Variants in TMEM45B observed in about 807,000 individuals in gnomAD.
TMEM45B encodes the protein transmembrane protein 45B.
A neutral mutation model predicts 27.3 loss-of-function variants in TMEM45B; 29 were observed. The observed-to-expected ratio is 1.06, with a 90% CI of 0.79 to 1.45. The LOEUF is 1.45. Among genes scored for constraint, TMEM45B ranks in the 40% most tolerant of loss-of-function variants. The pLI, the probability that TMEM45B is intolerant of heterozygous loss-of-function variation, is 0.00. For synonymous variants in TMEM45B, 143 were observed against 134.7 expected, an observed-to-expected ratio of 1.06 and a Z score of -0.43; for missense variants, 348 against 343.9, an observed-to-expected ratio of 1.01 and a Z score of -0.09.
intron 1 of TMEM45B, among the ~76,000 whole-genome samples, chr11:129,837,694 C>G (rs1947639910): frequency 6.7e-6 from 1 of 148,456 alleles, no homozygotes; most frequent in African/African-American, 2.5e-5. Context: ...GGACTACAGG[C>G]ACGCACCACC....
At chr11:129,816,678 C>T (rs1189068659) in intron 1 of TMEM45B, among the ~76,000 whole-genome samples, 2 of 150,356 alleles carry the variant, frequency 1.3e-5, no homozygotes, top group African/African-American at 2.4e-5. Context: ...AATAGAAACC[C>T]TTTCAAAATT....
At chr11:129,838,647 C>G (rs1013772305) in intron 1 of TMEM45B, among the ~76,000 whole-genome samples, 34 of 152,170 alleles carry the variant, frequency 2.2e-4, no homozygotes, top group African/African-American at 8.2e-4. Context: ...GTGGTTGGAA[C>G]TGAGTAGAGG....
chr11:129,828,673 A>C (rs1591436785), intron 1 of TMEM45B, among the ~76,000 whole-genome samples: 1 of 152,232 alleles, frequency 6.6e-6, no homozygotes, highest in Non-Finnish European at 1.5e-5. Flanking sequence ...GCAAACCCAG[A>C]CCAGAAGCCA....
intron 1 of TMEM45B, among the ~76,000 whole-genome samples, chr11:129,820,272 G>A (rs2135549584): frequency 6.6e-6 from 1 of 152,168 alleles, no homozygotes; most frequent in East Asian, 1.9e-4. Flanking sequence ...CCGAGATCAT[G>A]CCACTTGCAC....
Position 129,852,499 on chromosome 11 carries a change from G to A in TMEM45B, c.17G>A (p.Gly6Asp). ...GGTGTCCTGATGGCAAATTTCAAGG[G>A]CCACGCGCTTCCAGGGAGTTTCTTC... MANFK[G>D]HALPGSFFLI... The change falls in exon 2 of 6, where the codon GGC becomes GAC. Residue 6 changes from glycine to aspartate, a missense_variant. Gly to Asp is a moderately conservative substitution (Grantham distance 94, BLOSUM62 -1). Transcript: ENST00000281441. 2 of 1,601,094 alleles carry A rather than the reference G, an allele frequency of 1.2e-6. No homozygotes were observed. The highest frequency in any genetic ancestry group is 1.7e-6 in the Non-Finnish European group (2 of 1,169,302).
chr11:129,834,283 T>G (rs1186915451), intron 1 of TMEM45B, among the ~76,000 whole-genome samples: 1 of 150,724 alleles, frequency 6.6e-6, no homozygotes, highest in Admixed American at 6.6e-5. Flanking sequence ...ATACAAAAAT[T>G]ATCCAGGCGT....
chr11:129,832,994 C>T (rs189085428), intron 1 of TMEM45B, among the ~76,000 whole-genome samples: 1 of 152,230 alleles, frequency 6.6e-6, no homozygotes, highest in Admixed American at 6.5e-5. Context: ...GTAATCCCAG[C>T]ACTTTGGGAG....
At chr11:129,819,951 A>G (rs527311714) in intron 1 of TMEM45B, among the ~76,000 whole-genome samples, 1 of 152,172 alleles carries the variant, frequency 6.6e-6, no homozygotes, top group East Asian at 1.9e-4. Flanking sequence ...TATCACATAC[A>G]CACTGTTAAC....
chr11:129,834,458 A>G lies in TMEM45B; in HGVS notation c.-8-18017A>G, dbSNP rs1430274595. ...AGGAAAAAAAAAAACAGCAACAGAA[A>G]TGTGGACATTGAAGGTGATTCCAGT... is the stretch of plus-strand genomic sequence containing the variant. On this transcript the variant is annotated intron_variant, in intron 1 of 5. Coordinates refer to ENST00000281441, the MANE Select transcript of TMEM45B (RefSeq NM_138788.5). Among the ~76,000 whole-genome samples, 34 of 150,046 alleles carry G rather than the reference A, an allele frequency of 2.3e-4. No homozygotes were observed. In the Admixed American group the frequency reaches 2.3e-3, roughly 10 times the overall value.
intron 1 of TMEM45B, among the ~76,000 whole-genome samples, chr11:129,851,780 T>A (rs981220230): frequency 6.6e-6 from 1 of 152,070 alleles, no homozygotes; most frequent in African/African-American, 2.4e-5. Context: ...TGCCTGAAAA[T>A]TTTTGGAATA....
At chr11:129,854,087 GGACACGCACTCAAAATCAGCCCTGCA>G (rs1947886987) in intron 2 of TMEM45B, among the ~76,000 whole-genome samples, 1 of 152,178 alleles carries the variant, frequency 6.6e-6, no homozygotes. Flanking sequence ...TGCCCAGGAA[GGACACGCACTCAAAATCAGCCCTGCA>G]GACACGCACC....
At chr11:129,852,838 C>A in intron 2 of TMEM45B, 178 bp downstream of exon 2, 1 of 536,204 alleles carries the variant, frequency 1.9e-6, no homozygotes, top group Non-Finnish European at 3.0e-6. Context: ...CTTTATAATA[C>A]TAACGGTTGA....
chr11:129,854,583 A>G, intron 2 of TMEM45B, 27 bp from the exon 3 acceptor site: 3 of 1,610,792 alleles, frequency 1.9e-6, no homozygotes, highest in Non-Finnish European at 2.5e-6. Context: ...TCTTCCCTCT[A>G]AAACATCCAT....
chr11:129,843,990 C>T (rs1947728251), intron 1 of TMEM45B, among the ~76,000 whole-genome samples: 1 of 152,142 alleles, frequency 6.6e-6, no homozygotes, highest in Non-Finnish European at 1.5e-5. Flanking sequence ...AAGATATCTG[C>T]CCTCCCATGG....
At chr11:129,828,545 ACT>A (rs755380065) in intron 1 of TMEM45B, among the ~76,000 whole-genome samples, 9 of 151,962 alleles carry the variant, frequency 5.9e-5, no homozygotes, top group Admixed American at 1.3e-4. Context: ...TCAACACAGA[ACT>A]CTCTGCTTCC....
chr11:129,844,083 G>A (rs901156421), intron 1 of TMEM45B, among the ~76,000 whole-genome samples: 20 of 151,982 alleles, frequency 1.3e-4, no homozygotes, highest in Non-Finnish European at 2.8e-4. Flanking sequence ...AAAAAATGTG[G>A]TGTATATATA....
In TMEM45B at chr11:129,831,236, G is replaced by A. The variant is rs57318578; in HGVS notation, c.-9+15338G>A. Among the ~76,000 whole-genome samples, 744 of 152,066 alleles carry A rather than the reference G, an allele frequency of 4.9e-3. 2 individuals carry two copies. Among genetic ancestry groups the A allele is most frequent in the African/African-American group, 0.017 (693 of 41,482 alleles). On this transcript the variant is annotated intron_variant, in intron 1 of 5. Transcript: ENST00000281441. Reference sequence around the variant, plus strand: ...TCTCAGCGTACTAATTTTTTCTTTCGTTATTAAGAACTTTCATGCTTCCAC... The same window carrying A: ...TCTCAGCGTACTAATTTTTTCTTTCATTATTAAGAACTTTCATGCTTCCAC...
chr11:129,819,939 C>G (rs1947398385), intron 1 of TMEM45B, among the ~76,000 whole-genome samples: 1 of 152,126 alleles, frequency 6.6e-6, no homozygotes, highest in South Asian at 2.1e-4. Context: ...TGGCCAGAAC[C>G]ATATCACATA....
chr11:129,817,763 C>G (rs950682767), intron 1 of TMEM45B, among the ~76,000 whole-genome samples: 14 of 152,172 alleles, frequency 9.2e-5, no homozygotes, highest in South Asian at 4.1e-4. Context: ...TCATCTCCCC[C>G]CTACCTGCAG....
Sources: allele counts gnomAD v4.1 joint callset (sites outside exome capture counted in the v4.1 genomes callset), GRCh38; gene constraint gnomAD v4.1.1; transcripts MANE v1.5; gene names NCBI Gene and HGNC (gene_info 2026-07-23, HGNC 2026-07-21).